Variants in SYNE1 observed in about 807,000 individuals in gnomAD.
SYNE1 encodes nesprin-1.
A neutral mutation model predicts 1,111.0 loss-of-function variants in SYNE1; 616 were observed. The observed-to-expected ratio is 0.55, with a 90% CI of 0.52 to 0.59. The LOEUF (loss-of-function observed/expected upper bound fraction) is 0.59, where lower values mean the gene tolerates loss of function less well. Ranked by LOEUF, SYNE1 falls within the 20% of genes least tolerant of loss-of-function variation. SYNE1 has a pLI of 0.00. For synonymous variants in SYNE1, 3,855 were observed against 3,825.8 expected (o/e 1.01, Z -0.28); for missense variants, 10,006 against 10,417.0 (o/e 0.96, Z 1.72).
chr6:152,282,775 T>C (rs1044271746), intron 96 of SYNE1, among the ~76,000 whole-genome samples: 5 of 152,266 alleles, frequency 3.3e-5, no homozygotes, highest in African/African-American at 9.6e-5. Context: ...TAAATTTCTC[T>C]AATACAAGAA....
intron 28 of SYNE1, 116 bp downstream of exon 28, chr6:152,449,409 AAAGACAAT>A: frequency 1.3e-6 from 1 of 772,266 alleles, no homozygotes; most frequent in South Asian, 1.5e-5. Flanking sequence ...GACTTATTTT[AAAGACAAT>A]TTTCAAGAAC....
rs532694471 is a variant in SYNE1, at chr6:152,486,679, A to G, written c.1048-1707T>C. ...AGCCCAGAAAATTTTATTTTGGGGA[A>G]AAAAGCTTACACTGAATTTCAAAGC... On this transcript the variant is annotated intron_variant, in intron 12 of 145. Transcript: ENST00000367255. 4.6e-5 allele frequency among the ~76,000 whole-genome samples: 7 copies of G among 152,324 alleles called. No individual in the cohort carries two copies. The South Asian group carries it at 1.0e-3, about 23-fold the overall frequency.
intron 91 of SYNE1, chr6:152,302,315 G>C: frequency 1.7e-6 from 1 of 577,578 alleles, no homozygotes; most frequent in Admixed American, 3.0e-5. Flanking sequence ...GAAATGAGGG[G>C]ATGAGGCCGA....
chr6:152,536,269 T>C (rs2099236196), intron 4 of SYNE1, among the ~76,000 whole-genome samples: 1 of 149,104 alleles, frequency 6.7e-6, no homozygotes, highest in Non-Finnish European at 1.5e-5. Flanking sequence ...TGCAGGCTCA[T>C]GACCACCCTT....
chr6:152,225,140 C>T (rs114314693), intron 116 of SYNE1, among the ~76,000 whole-genome samples: 3,955 of 151,664 alleles, frequency 0.026, 97 homozygotes, highest in African/African-American at 0.063. Flanking sequence ...GAAACTGAGA[C>T]ACTAAGAGGT....
In SYNE1 at chr6:152,231,538, C is replaced by T. The variant is rs1296848924; in HGVS notation, c.20892G>A (p.Gln6964=). ...KGFKIDINCK[Q]LTVDFVNQSV... is the part of the protein sequence containing the mutation. ...ACTGGTTCACAAAATCCACTGTCAGCTGTTTACAGTTAATGTCTATCTTAA... is the reference window on the plus strand; with the variant it reads ...ACTGGTTCACAAAATCCACTGTCAGTTGTTTACAGTTAATGTCTATCTTAA... Residue 6964 remains glutamine (Q), a synonymous_variant, in exon 114 of 146, where the codon CAG becomes CAA. Transcript: ENST00000367255. The T allele has an allele frequency of 4.3e-6, 7 of 1,613,930 alleles. No individual in the cohort carries two copies. Among genetic ancestry groups the T allele is most frequent in the Non-Finnish European group, 5.9e-6 (7 of 1,180,016 alleles).
intron 20 of SYNE1, 104 bp from the exon 21 acceptor site, chr6:152,461,844 T>C (rs2098735894): frequency 2.0e-6 from 3 of 1,465,282 alleles, no homozygotes; most frequent in Admixed American, 3.4e-5. Context: ...CTGTATAAAA[T>C]CCAATACTTA....
At chr6:152,467,684 A>G (rs2098779335) in intron 16 of SYNE1, among the ~76,000 whole-genome samples, 1 of 152,146 alleles carries the variant, frequency 6.6e-6, no homozygotes, top group Non-Finnish European at 1.5e-5. Flanking sequence ...GGCAGGAAAG[A>G]GGGGAGAATG....
At chr6:152,614,457 G>A (rs1423929469) in intron 3 of SYNE1, among the ~76,000 whole-genome samples, 1 of 152,154 alleles carries the variant, frequency 6.6e-6, no homozygotes, top group Non-Finnish European at 1.5e-5. Context: ...CAGTAAGAAT[G>A]GCGATTATTA....
Position 152,326,283 on chromosome 6 carries a change from C to T in SYNE1, c.15293+13G>A. 1.2e-6 allele frequency: 2 copies of T among 1,614,078 alleles called. No homozygotes were observed. Among genetic ancestry groups the T allele is most frequent in the Non-Finnish European group, 1.7e-6 (2 of 1,179,966 alleles). On this transcript the variant is annotated intron_variant, in intron 79 of 145. Coordinates refer to ENST00000367255, the MANE Select transcript of SYNE1 (RefSeq NM_182961.4). Reference sequence around the variant, plus strand: ...TTTCACTAAAACATAAAACACAAAACATCCTGAAATACCTCTGCAAGAGAT... The same window carrying T: ...TTTCACTAAAACATAAAACACAAAATATCCTGAAATACCTCTGCAAGAGAT...
chr6:152,556,942 T>G (rs1051324590), intron 3 of SYNE1, among the ~76,000 whole-genome samples: 1 of 152,084 alleles, frequency 6.6e-6, no homozygotes, highest in Non-Finnish European at 1.5e-5. Flanking sequence ...AGTAAAATAC[T>G]AGTAACTGAC....
chr6:152,428,819 A>G (rs2098400341), intron 36 of SYNE1, among the ~76,000 whole-genome samples: 1 of 152,188 alleles, frequency 6.6e-6, no homozygotes, highest in South Asian at 2.1e-4. Flanking sequence ...AGTGAAAATG[A>G]GAAGAAAGTG....
chr6:152,628,413 C>T lies in SYNE1; in HGVS notation c.-82G>A. 1.5e-6 allele frequency: 2 copies of T among 1,376,466 alleles called. No individual in the cohort carries two copies. The highest frequency in any genetic ancestry group is 1.2e-5 in the South Asian group (1 of 86,358). 85.3% of individuals were successfully genotyped at this position (1,376,466 alleles called of 1,614,324 possible). A position where few individuals can be genotyped will look rare whatever the true frequency, so the allele number is the denominator to read the frequency against. ...GGGCTACACCACTCTAGAAAACATG[C>T]TTGGACTTTTCTAGATCTATTCTGT... On this transcript the variant is annotated 5_prime_UTR_variant, in exon 3 of 146. Transcript: ENST00000367255.
At chr6:152,542,701 TACC>T (rs560306487) in intron 3 of SYNE1, among the ~76,000 whole-genome samples, 71 of 152,250 alleles carry the variant, frequency 4.7e-4, no homozygotes, top group African/African-American at 1.6e-3. Context: ...GCATAAAAAT[TACC>T]ACATTCATCT....
chr6:152,409,517 T>C (rs754389028), intron 43 of SYNE1, 42 bp downstream of exon 43: 9 of 1,609,278 alleles, frequency 5.6e-6, no homozygotes, highest in Non-Finnish European at 5.1e-6. Flanking sequence ...AAACCAGATC[T>C]ACTAAAGCAG....
intron 115 of SYNE1, among the ~76,000 whole-genome samples, chr6:152,227,270 T>C (rs889239696): frequency 6.6e-6 from 1 of 152,170 alleles, no homozygotes; most frequent in African/African-American, 2.4e-5. Context: ...GGTAAATATA[T>C]ATAAAATATA....
rs145738035 is a variant in SYNE1, at chr6:152,334,135, G to A, written c.12667C>T (p.Arg4223Cys). The A allele has an allele frequency of 8.1e-5, 131 of 1,613,902 alleles. No individual in the cohort carries two copies. The highest frequency in any genetic ancestry group is 1.6e-4 in the Middle Eastern group (1 of 6,084). ...TGCAAGCACAGGTTGTTAGACTGAC[G>A]GCACAAATCGAGCCACTGATCATTT... ...HLNDQWLDLC[R>C]QSNNLCLQRE... The change falls in exon 77 of 146, where the codon CGT becomes TGT. Residue 4223 changes from arginine (R) to cysteine (C), a missense_variant. Transcript: ENST00000367255.
At chr6:152,322,046 G>A (rs1431661247) in intron 82 of SYNE1, among the ~76,000 whole-genome samples, 160 bp from the exon 83 acceptor site, 2 of 152,184 alleles carry the variant, frequency 1.3e-5, no homozygotes, top group South Asian at 2.1e-4. Flanking sequence ...TGCAGTTCAT[G>A]TATAAATGTC....
At chr6:152,372,970 G>T in intron 59 of SYNE1, 67 bp downstream of exon 59, 1 of 1,558,828 alleles carries the variant, frequency 6.4e-7, no homozygotes, top group Non-Finnish European at 8.8e-7. Context: ...CAGAAACTGT[G>T]ATTTCACTAA....
Sources: gnomAD v4.1 joint callset for allele counts (sites outside exome capture counted in the v4.1 genomes callset) on GRCh38, gnomAD v4.1.1 for gene constraint, MANE v1.5 for transcripts, NCBI Gene and HGNC (gene_info 2026-07-23, HGNC 2026-07-21) for gene names.